The following GSN variants were observed in gnomAD, a reference collection of about 807,000 sequenced individuals.
GSN encodes gelsolin.
In GSN, 56 loss-of-function variants were observed where a neutral mutation model predicts 85.7. The ratio of observed to expected loss-of-function variants is 0.65; its 90% CI spans 0.53 to 0.82. GSN has a LOEUF of 0.82. GSN is among the 40% of genes least tolerant of loss of function. The probability of loss-of-function intolerance (pLI) is 0.00; values close to 1 mark genes in which losing one functional copy is unlikely to be tolerated. For missense variants in GSN, 857 were observed against 979.8 expected (o/e 0.87, Z 1.67); for synonymous variants, 373 against 399.1 (o/e 0.93, Z 0.78).
rs1172752729 is a variant in GSN, at chr9:121,332,233, G to A, written c.2027-201G>A. 6.6e-6 allele frequency among the ~76,000 whole-genome samples: 1 copy of A among 152,162 alleles called. No individual in the cohort carries two copies. The highest frequency in any genetic ancestry group is 1.5e-5 in the Non-Finnish European group (1 of 68,026). On this transcript the variant is annotated intron_variant, in intron 17 of 17. Transcript: ENST00000432226. The surrounding 1 kb of genome is among the most constrained non-coding windows in gnomAD (Gnocchi z 4.8). Reference sequence around the variant, plus strand: ...AAGCCGTAGCCCTGTTCCTTCCTGTGTTCCTGAGCAGGGTGGTGGAGAGCC... The same window carrying A: ...AAGCCGTAGCCCTGTTCCTTCCTGTATTCCTGAGCAGGGTGGTGGAGAGCC...
intron 5 of GSN, among the ~76,000 whole-genome samples, chr9:121,244,037 G>C (rs1214991984): frequency 6.6e-6 from 1 of 152,180 alleles, no homozygotes; most frequent in African/African-American, 2.4e-5. Flanking sequence ...GGCAACCACT[G>C]GTCTGTTCTC....
chr9:121,317,210 T>C lies in GSN; in HGVS notation c.878T>C (p.Val293Ala). Residue 293 changes from valine (V) to alanine (A), a missense_variant, in exon 8 of 18, where the codon GTC (valine) becomes GCC (alanine). Val to Ala is a moderately conservative substitution (Grantham distance 64). Transcript: ENST00000432226. ...CACGGCAAAGATGGGAAAATCTTTG[T>C]CTGGAAAGGTACTGGAGACAGGGAA... is the stretch of plus-strand genomic sequence containing the variant. Reference protein sequence around the residue: ...LDHGKDGKIFVWKGKQANTEE... With the variant: ...LDHGKDGKIFAWKGKQANTEE... 6.2e-7 allele frequency: 1 copy of C among 1,614,066 alleles called. No homozygotes were observed. Among genetic ancestry groups the C allele is most frequent in the Non-Finnish European group, 8.5e-7 (1 of 1,179,994 alleles).
chr9:121,310,359 A>C, intron 4 of GSN: 1 of 364,818 alleles, frequency 2.7e-6, no homozygotes, highest in Non-Finnish European at 5.2e-6. Flanking sequence ...TTTGATTTAG[A>C]AAGTGGCTAC....
intron 2 of GSN, among the ~76,000 whole-genome samples, chr9:121,291,919 CAG>C (rs1222794706): frequency 6.7e-6 from 1 of 149,606 alleles, no homozygotes; most frequent in African/African-American, 2.5e-5. Flanking sequence ...TTTTTTGAGT[CAG>C]GGTTTCACTC....
intron 1 of GSN, among the ~76,000 whole-genome samples, chr9:121,279,253 ACAGGT>A (rs2057044529): frequency 6.6e-6 from 1 of 152,178 alleles, no homozygotes; most frequent in Non-Finnish European, 1.5e-5. Context: ...GTTGAAGGGG[ACAGGT>A]CATGAAGAAT....
rs147410423 is a variant in GSN at position 121,332,699 on chromosome 9, AGT to A, written c.*115_*116del. On this transcript the variant is annotated 3_prime_UTR_variant, in exon 18 of 18. Transcript: ENST00000432226. This position sits in a 1 kb window ranked among gnomAD's most constrained non-coding sequence, Gnocchi z 4.8. Reference sequence around the variant, plus strand: ...GAGCGAGCAGAGCAGCTCTGCTATGAGTGTGTGTGTGTGTGTGTGTTGTTTCT... The same window carrying A: ...GAGCGAGCAGAGCAGCTCTGCTATGAGTGTGTGTGTGTGTGTGTTGTTTCT... 0.028 allele frequency: 16,770 copies of A among 595,978 alleles called. No individual in the cohort carries two copies. The highest frequency in any genetic ancestry group is 0.042 in the Middle Eastern group (80 of 1,894). The allele number at this position is 595,978 out of a possible 1,614,324, so 36.9% of individuals were successfully genotyped here.
Position 121,228,425 on chromosome 9 carries a change from T to TATA in GSN, c.-527-2740_-527-2739insATA, listed in dbSNP as rs1491358330. On this transcript the variant is annotated intron_variant, in intron 4 of 24. Coordinates refer to the GSN transcript ENST00000373823. The stretch of plus-strand genomic sequence containing the variant: ...TAACATATATATATATATATATATA[T>TATA]TTTTTTTTTTTTTTTTTTTTTTTTT... 3.5e-3 allele frequency among the ~76,000 whole-genome samples: 69 copies of TATA among 19,452 alleles called. 1 individual carries two copies. The highest frequency in any genetic ancestry group is 0.012 in the African/African-American group (51 of 4,198). 12.8% of individuals were successfully genotyped at this position (19,452 alleles called of 152,430 possible).
chr9:121,232,266 G>A (rs1032641158), intron 5 of GSN, among the ~76,000 whole-genome samples: 2 of 152,162 alleles, frequency 1.3e-5, no homozygotes, highest in Non-Finnish European at 2.9e-5. Context: ...GGCATCTGGT[G>A]GGATCTTAGG....
chr9:121,286,713 A>T lies in GSN; in HGVS notation c.-10+5151A>T, dbSNP rs748462969. ...TGATTGAACAGCCACTGTGGCCATC[A>T]TTCTCCTTACCTGTCTGATGAGAGC... On this transcript the variant is annotated intron_variant, in intron 2 of 17. Transcript: ENST00000432226. 6 of 1,535,416 alleles carry T rather than the reference A, an allele frequency of 3.9e-6. No individual in the cohort carries two copies. The South Asian group carries it at 7.1e-5, about 18-fold the overall frequency.
At chr9:121,269,142 T>C (rs1588540713) in intron 1 of GSN, among the ~76,000 whole-genome samples, 1 of 152,212 alleles carries the variant, frequency 6.6e-6, no homozygotes, top group Non-Finnish European at 1.5e-5. Context: ...TTGGACTTTG[T>C]GGAAGGCGGG....
intron 4 of GSN, among the ~76,000 whole-genome samples, chr9:121,212,213 G>A (rs2053981330): frequency 6.6e-6 from 1 of 152,160 alleles, no homozygotes; most frequent in African/African-American, 2.4e-5. Flanking sequence ...CGTTTTCAGA[G>A]CTCACACTGG....
chr9:121,245,330 A>C (rs1291271192), intron 5 of GSN, among the ~76,000 whole-genome samples: 1 of 151,736 alleles, frequency 6.6e-6, no homozygotes, highest in Non-Finnish European at 1.5e-5. Flanking sequence ...TGGAAGTATC[A>C]GTATGGATGC....
At chr9:121,307,171 A>G (rs1406367864) in intron 4 of GSN, among the ~76,000 whole-genome samples, 2 of 151,986 alleles carry the variant, frequency 1.3e-5, no homozygotes, top group East Asian at 1.9e-4. Flanking sequence ...ATGGAACGAG[A>G]CTCTGTCTCA....
At chr9:121,292,536 T>G (rs930272320) in intron 2 of GSN, among the ~76,000 whole-genome samples, 4 of 152,190 alleles carry the variant, frequency 2.6e-5, no homozygotes, top group Admixed American at 6.5e-5. Flanking sequence ...ACCTGCTGTG[T>G]GCCAAACACA....
At chr9:121,328,690 G>A (rs1049721792) in intron 14 of GSN, among the ~76,000 whole-genome samples, 1 of 152,234 alleles carries the variant, frequency 6.6e-6, no homozygotes, top group Non-Finnish European at 1.5e-5. Flanking sequence ...CTACTGCCAA[G>A]TCTGCCCTCT....
chr9:121,282,108 C>G, intron 2 of GSN: 1 of 462,180 alleles, frequency 2.2e-6, no homozygotes, highest in Non-Finnish European at 4.4e-6. Flanking sequence ...TCACAGGTGA[C>G]CTGCTGAAGT....
At chr9:121,277,456 A>T (rs4240466) in intron 1 of GSN, among the ~76,000 whole-genome samples, 63,558 of 152,026 alleles carry the variant, frequency 0.42, 14,633 homozygotes, top group East Asian at 0.62. Flanking sequence ...AGATTTGAAA[A>T]CAATCTGTTA....
chr9:121,276,806 G>A (rs569796145), intron 1 of GSN, among the ~76,000 whole-genome samples: 1 of 151,974 alleles, frequency 6.6e-6, no homozygotes, highest in East Asian at 1.9e-4. Flanking sequence ...GTGGGAGGAG[G>A]GGGGAGGGAT....
intron 2 of GSN, chr9:121,282,586 G>A: frequency 9.2e-7 from 1 of 1,088,728 alleles, no homozygotes. Flanking sequence ...AGGATGTTGT[G>A]CCCCAAAAGC....
Sources: gnomAD v4.1 joint callset for allele counts (sites outside exome capture counted in the v4.1 genomes callset) on GRCh38, gnomAD v4.1.1 for gene constraint, Gnocchi (gnomAD v3.1) non-coding constraint, MANE v1.5 for transcripts, NCBI Gene and HGNC (gene_info 2026-07-23, HGNC 2026-07-21) for gene names.